Variants in INPP5D observed in about 807,000 individuals in gnomAD.
INPP5D encodes the protein inositol polyphosphate-5-phosphatase D, also known as phosphatidylinositol 3,4,5-trisphosphate 5-phosphatase 1.
A neutral mutation model predicts 122.9 loss-of-function variants in INPP5D; 33 were observed. The ratio of observed to expected loss-of-function variants is 0.27; its 90% CI spans 0.20 to 0.36. The LOEUF (loss-of-function observed/expected upper bound fraction) is 0.36, where lower values mean the gene tolerates loss of function less well. INPP5D is among the 10% of genes least tolerant of loss of function. The pLI is 1.00. For synonymous variants in INPP5D, 584 were observed against 576.2 expected, an observed-to-expected ratio of 1.01 and a Z score of -0.19; for missense variants, 1,053 against 1,412.7, an observed-to-expected ratio of 0.75 and a Z score of 4.08.
intron 2 of INPP5D, among the ~76,000 whole-genome samples, chr2:233,101,687 G>A (rs1692318006): frequency 7.0e-6 from 1 of 141,956 alleles, no homozygotes. Context: ...TATTATATAA[G>A]TAGTAATTGC....
chr2:233,204,442 G>A lies in INPP5D; in HGVS notation c.3292G>A (p.Gly1098Ser), dbSNP rs530909273. 2.2e-5 allele frequency: 35 copies of A among 1,601,268 alleles called. No individual in the cohort carries two copies. The African/African-American group carries it at 4.1e-4, about 19-fold the overall frequency. ...CSSSAEGRAA[G>S]GDKSQGKPKT... ...ATCCTCTGCCGAGGGCAGGGCGGCC[G>A]GCGGGGACAAGAGCCAAGGGAAGCC... Residue 1098 changes from glycine (G) to serine (S), a missense_variant, in exon 26 of 27, where the codon GGC becomes AGC. This residue lies in a region of INPP5D where 417 missense variants were observed against 425.8 expected (regional missense o/e 0.98). Transcript: ENST00000445964.
In INPP5D at chr2:233,163,922, G is replaced by T. The variant is rs372868748; in HGVS notation, c.1437+19G>T. On this transcript the variant is annotated intron_variant, in intron 12 of 26. Transcript: ENST00000445964. The stretch of plus-strand genomic sequence containing the variant: ...TAAAACAGTGAGCAGCTGGCTGCAC[G>T]CTGGGTGGGCTTCCGGGATAGAATC... 14 of 1,610,864 alleles carry T rather than the reference G, an allele frequency of 8.7e-6. No homozygotes were observed. Among genetic ancestry groups the T allele is most frequent in the African/African-American group, 2.7e-5 (2 of 74,866 alleles).
chr2:233,090,466 C>T (rs1434229025), intron 2 of INPP5D, among the ~76,000 whole-genome samples: 3 of 152,144 alleles, frequency 2.0e-5, no homozygotes, highest in African/African-American at 7.2e-5. Context: ...TATTTATGCC[C>T]TTCATGACTG....
At chr2:233,094,028 C>T (rs1329445686) in intron 2 of INPP5D, among the ~76,000 whole-genome samples, 1 of 152,100 alleles carries the variant, frequency 6.6e-6, no homozygotes, top group Non-Finnish European at 1.5e-5. Context: ...AGATTCTCTA[C>T]AGCTGTGCTG....
chr2:233,073,114 A>C (rs981281153), intron 1 of INPP5D, among the ~76,000 whole-genome samples: 15 of 152,178 alleles, frequency 9.9e-5, no homozygotes, highest in African/African-American at 3.6e-4. Context: ...CTTCAGCCAA[A>C]CCTGGGTAAA....
At chr2:233,063,310 G>C (rs1691125331) in intron 1 of INPP5D, among the ~76,000 whole-genome samples, 1 of 152,212 alleles carries the variant, frequency 6.6e-6, no homozygotes. Context: ...AGATCACCCA[G>C]GTGCCCTGAC....
At chr2:233,137,861 T>TACAC (rs1693521593) in intron 5 of INPP5D, among the ~76,000 whole-genome samples, 1 of 24,916 alleles carries the variant, frequency 4.0e-5, no homozygotes, top group Non-Finnish European at 7.2e-5. Context: ...AAAATATATA[T>TACAC]ATATATATAT....
chr2:233,201,012 A>G (rs1695316549), intron 25 of INPP5D, among the ~76,000 whole-genome samples: 1 of 150,868 alleles, frequency 6.6e-6, no homozygotes, highest in Non-Finnish European at 1.5e-5. Context: ...AAATAAATAG[A>G]TGAGAGGAAG....
At chr2:233,154,814 A>G (rs140245127) in intron 9 of INPP5D, among the ~76,000 whole-genome samples, 1 of 152,358 alleles carries the variant, frequency 6.6e-6, no homozygotes, top group Non-Finnish European at 1.5e-5. Context: ...TAAACTTGTT[A>G]AATCCTAAAC....
Position 233,197,045 on chromosome 2 carries a change from T to A in INPP5D, c.2694-1050T>A, listed in dbSNP as rs887915795. ...TCAGGATCAGTGTAGGGAAACAAAT[T>A]CTTTTCCATTTTGACTAGCATGAGA... On this transcript the variant is annotated intron_variant, in intron 24 of 26. Transcript: ENST00000445964. This position sits in a 1 kb window ranked among gnomAD's most constrained non-coding sequence, Gnocchi z 4.4. 2.0e-5 allele frequency among the ~76,000 whole-genome samples: 3 copies of A among 152,164 alleles called. No homozygotes were observed. Among genetic ancestry groups the A allele is most frequent in the African/African-American group, 7.2e-5 (3 of 41,450 alleles).
chr2:233,151,696 A>C (rs889644655), intron 9 of INPP5D, among the ~76,000 whole-genome samples: 3 of 152,232 alleles, frequency 2.0e-5, no homozygotes, highest in African/African-American at 7.2e-5. Flanking sequence ...TGGGCTTCAC[A>C]AAGGCTGGGA....
At chr2:233,195,004 C>G (rs1695145836) in intron 23 of INPP5D, among the ~76,000 whole-genome samples, 1 of 151,890 alleles carries the variant, frequency 6.6e-6, no homozygotes, top group Admixed American at 6.6e-5. Flanking sequence ...CCACGTTGGC[C>G]AGACTGGTTT....
intron 24 of INPP5D, among the ~76,000 whole-genome samples, chr2:233,196,356 T>C (rs1344024973): frequency 6.6e-6 from 1 of 152,206 alleles, no homozygotes; most frequent in Non-Finnish European, 1.5e-5. Context: ...TAACATTTGT[T>C]GAGTCCCTGT....
At chr2:233,109,427 C>T (rs1270527039) in intron 2 of INPP5D, among the ~76,000 whole-genome samples, 4 of 152,158 alleles carry the variant, frequency 2.6e-5, no homozygotes, top group African/African-American at 4.8e-5. Flanking sequence ...TTATTATTGG[C>T]GTGGGCATTG....
chr2:233,137,889 TATATATATACACAC>T (rs1176774851), intron 5 of INPP5D, among the ~76,000 whole-genome samples: 3 of 53,250 alleles, frequency 5.6e-5, no homozygotes, highest in Admixed American at 2.4e-4. Flanking sequence ...TATATATATA[TATATATATACACAC>T]ACACACACAC....
chr2:233,170,635 G>T lies in INPP5D; in HGVS notation c.1900+31G>T, dbSNP rs781203463. On this transcript the variant is annotated intron_variant, in intron 16 of 26. Coordinates refer to ENST00000445964, the MANE Select transcript of INPP5D (RefSeq NM_001017915.3). This position sits in a 1 kb window ranked among gnomAD's most constrained non-coding sequence, Gnocchi z 4.5. ...AGCAGCAACCCCGGCTGGGAGCGGTGGCTCACACCTGTAATCCCAGCACTT... is the reference window on the plus strand; with the variant it reads ...AGCAGCAACCCCGGCTGGGAGCGGTTGCTCACACCTGTAATCCCAGCACTT... 6.2e-7 allele frequency: 1 copy of T among 1,608,902 alleles called. No individual in the cohort carries two copies. Among genetic ancestry groups the T allele is most frequent in the Admixed American group, 1.7e-5 (1 of 59,830 alleles).
chr2:233,137,491 C>G (rs1693497500), intron 5 of INPP5D, among the ~76,000 whole-genome samples: 1 of 145,222 alleles, frequency 6.9e-6, no homozygotes, highest in African/African-American at 2.6e-5. Context: ...GCGTCTCCCT[C>G]TGTTCCCCAG....
intron 2 of INPP5D, among the ~76,000 whole-genome samples, chr2:233,120,281 C>T (rs945808168): frequency 1.3e-5 from 2 of 152,074 alleles, no homozygotes; most frequent in African/African-American, 4.8e-5. Flanking sequence ...GTCAGGATTT[C>T]GAGACCAGCT....
intron 17 of INPP5D, among the ~76,000 whole-genome samples, chr2:233,172,920 A>G (rs1003533679): frequency 1.1e-4 from 16 of 152,226 alleles, no homozygotes; most frequent in African/African-American, 3.4e-4. Flanking sequence ...ATAAAAAGAA[A>G]AAAATGGGCT....
Sources: allele counts gnomAD v4.1 joint callset (sites outside exome capture counted in the v4.1 genomes callset), GRCh38; gene constraint gnomAD v4.1.1; regional missense constraint gnomAD v4.1.1; non-coding constraint Gnocchi (gnomAD v3.1); transcripts MANE v1.5; gene names NCBI Gene and HGNC (gene_info 2026-07-23, HGNC 2026-07-21).